SNX29: variants seen among roughly 807,000 people sequenced by gnomAD.
SNX29 encodes the protein sorting nexin-29.
SNX29 carries 78 observed loss-of-function variants against 102.1 expected under a neutral mutation model. That is an observed-to-expected ratio of 0.76 (90% CI 0.64 to 0.92). The LOEUF is 0.92. SNX29 is among the 40% of genes least tolerant of loss of function. The pLI is 0.00. For missense variants in SNX29, 1,280 were observed against 1,061.7 expected (o/e 1.21, Z -2.86); for synonymous variants, 580 against 414.5 (o/e 1.40, Z -4.85).
chr16:12,366,851 C>T (rs1009595365), intron 16 of SNX29: 2 of 151,756 alleles, frequency 1.3e-5, no homozygotes, highest in African/African-American at 2.4e-5. Context: ...CTCTCTCTCT[C>T]TCTTTCTTTT....
rs2141596392 is a variant in SNX29 at position 12,572,831 on chromosome 16, G to A, written c.*4202G>A. 9.4e-7 allele frequency: 1 copy of A among 1,064,030 alleles called. No homozygotes were observed. The highest frequency in any genetic ancestry group is 5.0e-5 in the East Asian group (1 of 19,930). 65.9% of individuals were successfully genotyped at this position (1,064,030 alleles called of 1,614,324 possible). A position where few individuals can be genotyped will look rare whatever the true frequency, so the allele number is the denominator to read the frequency against. ...ACTGGTTAGGAGGCATCCCAGAAGGGGCAGCCTCATGCCCAGGTTTCAGCC... is the reference window on the plus strand; with the variant it reads ...ACTGGTTAGGAGGCATCCCAGAAGGAGCAGCCTCATGCCCAGGTTTCAGCC... On this transcript the variant is annotated 3_prime_UTR_variant, in exon 21 of 21. Transcript: ENST00000566228.
chr16:12,572,518 CT>C lies in SNX29; in HGVS notation c.*3890del. 9.4e-7 allele frequency: 1 copy of C among 1,064,210 alleles called. No individual in the cohort carries two copies. The allele number at this position is 1,064,210 out of a possible 1,614,324, so 65.9% of individuals were successfully genotyped here. ...GGCCTCGGCCTTCCTGCTCCACGTGCTCAAGCCCCCACAGGGGGCTGCGACA... is the reference window on the plus strand; with the variant it reads ...GGCCTCGGCCTTCCTGCTCCACGTGCCAAGCCCCCACAGGGGGCTGCGACA... On this transcript the variant is annotated 3_prime_UTR_variant, in exon 21 of 21. Coordinates refer to ENST00000566228, the MANE Select transcript of SNX29 (RefSeq NM_032167.5).
Position 12,052,228 on chromosome 16 carries a change from T to C in SNX29, c.1124+6T>C, listed in dbSNP as rs1351676033. ...CACTCGGAGTCGCCCGAGAAGTAAG[T>C]TTGTGTGTAAGGTGGAGTCTCACCG... On this transcript the variant is annotated splice_donor_region_variant and intron_variant, in intron 8 of 20. Coordinates refer to ENST00000566228, the MANE Select transcript of SNX29 (RefSeq NM_032167.5). 1 of 1,613,318 alleles carries C rather than the reference T, an allele frequency of 6.2e-7. No individual in the cohort carries two copies. The highest frequency in any genetic ancestry group is 8.5e-7 in the Non-Finnish European group (1 of 1,179,688).
At chr16:12,541,285 C>CTCT (rs1567678219) in intron 20 of SNX29, among the ~76,000 whole-genome samples, 1 of 152,150 alleles carries the variant, frequency 6.6e-6, no homozygotes, top group East Asian at 1.9e-4. Context: ...CAGGGGAATA[C>CTCT]CACTAACAGT....
At chr16:12,006,072 C>T (rs2056442171) in intron 3 of SNX29, among the ~76,000 whole-genome samples, 1 of 152,034 alleles carries the variant, frequency 6.6e-6, no homozygotes, top group East Asian at 1.9e-4. Flanking sequence ...GGCGCTGTGG[C>T]TCATGTCTGT....
chr16:12,391,853 T>C (rs982254740), intron 16 of SNX29, among the ~76,000 whole-genome samples: 1 of 152,190 alleles, frequency 6.6e-6, no homozygotes, highest in Non-Finnish European at 1.5e-5. Context: ...GACATGATAG[T>C]TTCTTTCTTT....
intron 13 of SNX29, among the ~76,000 whole-genome samples, chr16:12,175,642 A>C (rs2076242717): frequency 7.0e-6 from 1 of 142,974 alleles, no homozygotes. Context: ...ACACAGCAAG[A>C]CTCCGTCTCA....
chr16:12,065,639 C>G (rs2050999798), intron 9 of SNX29, among the ~76,000 whole-genome samples: 1 of 152,182 alleles, frequency 6.6e-6, no homozygotes, highest in African/African-American at 2.4e-5. Context: ...GGTTTTAGCA[C>G]TTAGCTCTTA....
At chr16:12,256,153 T>C (rs1274444396) in intron 14 of SNX29, among the ~76,000 whole-genome samples, 1 of 152,270 alleles carries the variant, frequency 6.6e-6, no homozygotes, top group Non-Finnish European at 1.5e-5. Context: ...CATACACCTG[T>C]TGGCCGTTTG....
At chr16:12,327,143 C>T (rs962188687) in intron 15 of SNX29, among the ~76,000 whole-genome samples, 2 of 152,156 alleles carry the variant, frequency 1.3e-5, no homozygotes, top group African/African-American at 2.4e-5. Context: ...GTCAATAAAA[C>T]AGTCCCCCTG....
chr16:12,315,638 G>A (rs1377666736), intron 15 of SNX29, among the ~76,000 whole-genome samples: 4 of 152,182 alleles, frequency 2.6e-5, no homozygotes, highest in African/African-American at 4.8e-5. Context: ...CCGTGGAGTG[G>A]CCTCAGGAGA....
intron 15 of SNX29, among the ~76,000 whole-genome samples, chr16:12,347,648 T>C (rs191570554): frequency 6.6e-6 from 1 of 152,240 alleles, no homozygotes; most frequent in Admixed American, 6.5e-5. Context: ...ATCAGACCCA[T>C]AGCAGGTGCT....
In SNX29 at chr16:12,110,829, A is replaced by AT. The variant is rs397972097; in HGVS notation, c.1403-15792dup. Among the ~76,000 whole-genome samples the AT allele has an allele frequency of 7.5e-3, 1,116 of 148,128 alleles. 11 individuals are homozygous for AT. Among genetic ancestry groups the AT allele is most frequent in the African/African-American group, 0.022 (880 of 40,358 alleles). ...CAAAAAATGGTGTTTTTCTTTTTTA[A>AT]TTTTTTTTTTTTGAGAAAGGGTCTT... On this transcript the variant is annotated intron_variant, in intron 11 of 20. Coordinates refer to ENST00000566228, the MANE Select transcript of SNX29 (RefSeq NM_032167.5).
At chr16:12,542,173 C>T (rs146529071) in intron 20 of SNX29, among the ~76,000 whole-genome samples, 25 of 152,268 alleles carry the variant, frequency 1.6e-4, no homozygotes, top group African/African-American at 5.5e-4. Context: ...GGTGTCAGGC[C>T]CTGTGCTAAG....
rs142743802 is a variant in SNX29, at chr16:12,568,740, C to T, written c.*111C>T. The T allele has an allele frequency of 7.4e-4, 1,075 of 1,451,050 alleles. 6 individuals carry two copies. In the African/African-American group the frequency reaches 0.013, roughly 18 times the overall value. 89.9% of individuals were successfully genotyped at this position (1,451,050 alleles called of 1,614,324 possible). A position where few individuals can be genotyped will look rare whatever the true frequency, so the allele number is the denominator to read the frequency against. On this transcript the variant is annotated 3_prime_UTR_variant, in exon 21 of 21. Transcript: ENST00000566228. The stretch of plus-strand genomic sequence containing the variant: ...TGACAACCACGTCCACCTGGTGATC[C>T]TGAGAGCACACGATTCCCAACAGTT...
At chr16:12,298,452 C>T (rs112875912) in intron 15 of SNX29, among the ~76,000 whole-genome samples, 5,010 of 152,220 alleles carry the variant, frequency 0.033, 137 homozygotes, top group African/African-American at 0.065. Context: ...TTGCCATGAA[C>T]AAGTCTATGA....
chr16:12,153,998 A>G (rs2141607977), intron 13 of SNX29, among the ~76,000 whole-genome samples: 1 of 152,158 alleles, frequency 6.6e-6, no homozygotes, highest in East Asian at 1.9e-4. Flanking sequence ...GCTGGGAGGT[A>G]TTTTATTGGG....
At chr16:12,104,196 G>GA (rs2053135800) in intron 11 of SNX29, among the ~76,000 whole-genome samples, 1 of 152,190 alleles carries the variant, frequency 6.6e-6, no homozygotes, top group Admixed American at 6.5e-5. Flanking sequence ...GCTGCCAGGA[G>GA]AATCTTCTCA....
intron 14 of SNX29, among the ~76,000 whole-genome samples, chr16:12,245,081 C>T (rs531711528): frequency 3.3e-5 from 5 of 152,226 alleles, no homozygotes; most frequent in African/African-American, 1.2e-4. Context: ...TTCCCCGCCC[C>T]CCTAACAAAA....
Sources: gnomAD v4.1 joint callset for allele counts (sites outside exome capture counted in the v4.1 genomes callset) on GRCh38, gnomAD v4.1.1 for gene constraint, MANE v1.5 for transcripts, NCBI Gene and HGNC (gene_info 2026-07-23, HGNC 2026-07-21) for gene names.